Variants in HNRNPLL observed in about 807,000 individuals in gnomAD.
HNRNPLL encodes the protein heterogeneous nuclear ribonucleoprotein L-like.
In HNRNPLL, 25 loss-of-function variants were observed where a neutral mutation model predicts 67.1. That is an observed-to-expected ratio of 0.37 (90% CI 0.27 to 0.52). The LOEUF is 0.52. Ranked by LOEUF, HNRNPLL falls within the 20% of genes least tolerant of loss-of-function variation. The probability of loss-of-function intolerance (pLI) is 0.90; values close to 1 mark genes in which losing one functional copy is unlikely to be tolerated. For missense variants in HNRNPLL, 542 were observed against 673.9 expected, an observed-to-expected ratio of 0.80 and a Z score of 2.17; for synonymous variants, 267 against 241.7, an observed-to-expected ratio of 1.10 and a Z score of -0.97.
chr2:38,590,126 C>A (rs898093236), intron 2 of HNRNPLL, among the ~76,000 whole-genome samples: 9 of 152,164 alleles, frequency 5.9e-5, no homozygotes, highest in Non-Finnish European at 8.8e-5. Context: ...TATGCCCATG[C>A]GGATTCTCAA....
chr2:38,587,593 A>G (rs1367716849), intron 2 of HNRNPLL, among the ~76,000 whole-genome samples: 2 of 152,242 alleles, frequency 1.3e-5, no homozygotes, highest in African/African-American at 2.4e-5. Context: ...AGTCTTGCAC[A>G]TGAAAAATAG....
intron 6 of HNRNPLL, among the ~76,000 whole-genome samples, chr2:38,578,854 G>A (rs1666408997): frequency 6.6e-6 from 1 of 151,936 alleles, no homozygotes; most frequent in South Asian, 2.1e-4. Flanking sequence ...TCTTCTAAAT[G>A]CTCAAGAAGT....
chr2:38,569,420 T>G, intron 9 of HNRNPLL, 86 bp from the exon 10 acceptor site: 1 of 957,538 alleles, frequency 1.0e-6, no homozygotes. Flanking sequence ...ATATTTTGCT[T>G]GCATAAATCT....
chr2:38,573,934 T>C (rs563510429), intron 7 of HNRNPLL, among the ~76,000 whole-genome samples: 25 of 152,080 alleles, frequency 1.6e-4, no homozygotes, highest in South Asian at 1.2e-3. Flanking sequence ...CAGGTTGGTA[T>C]CTTATTCCCC....
chr2:38,585,747 G>A lies in HNRNPLL; in HGVS notation c.443C>T (p.Ser148Phe). 6.2e-7 allele frequency: 1 copy of A among 1,613,752 alleles called. No individual in the cohort carries two copies. The highest frequency in any genetic ancestry group is 8.5e-7 in the Non-Finnish European group (1 of 1,179,674). The part of the protein sequence containing the change: ...IAGQQAFFNY[S>F]TSKRITRPGN... ...TGGCCGAGTGATCCTTTTGCTTGTA[G>A]AATAGTTGAAAAAAGCCTGTTGACC... is the stretch of plus-strand genomic sequence containing the variant. Residue 148 changes from serine (S) to phenylalanine (F), a missense_variant, in exon 3 of 13, where the codon TCT becomes TTT. This residue lies in a region of HNRNPLL where 415 missense variants were observed against 575.2 expected (regional missense o/e 0.72). Transcript: ENST00000449105.
At chr2:38,570,141 G>C (rs1666013720) in intron 8 of HNRNPLL, among the ~76,000 whole-genome samples, 1 of 152,210 alleles carries the variant, frequency 6.6e-6, no homozygotes, top group African/African-American at 2.4e-5. Context: ...GAACAGCACA[G>C]GCTCACCCTA....
In HNRNPLL at chr2:38,585,784, C is replaced by A. The variant is rs994588851; in HGVS notation, c.406G>T (p.Val136Leu). ...AAAGCCTGTTGACCAGCAATGTACA[C>A]GGGTTCATCTGCAGCAAATGTCACA... The part of the protein sequence containing the change: ...ECVTFAADEP[V>L]YIAGQQAFFN... The change falls in exon 3 of 13, where the codon GTG becomes TTG. Residue 136 changes from valine (V) to leucine (L), a missense_variant. Physicochemically the swap from Val to Leu is conservative, Grantham distance 32. This residue lies in a region of HNRNPLL where 415 missense variants were observed against 575.2 expected (regional missense o/e 0.72). Coordinates refer to ENST00000449105, the MANE Select transcript of HNRNPLL (RefSeq NM_138394.4). 1 of 1,613,542 alleles carries A rather than the reference C, an allele frequency of 6.2e-7. No individual in the cohort carries two copies. Among genetic ancestry groups the A allele is most frequent in the Non-Finnish European group, 8.5e-7 (1 of 1,179,530 alleles).
At chr2:38,572,723 G>T (rs1385757236) in intron 8 of HNRNPLL, among the ~76,000 whole-genome samples, 3 of 152,044 alleles carry the variant, frequency 2.0e-5, no homozygotes, top group Non-Finnish European at 4.4e-5. Context: ...TTCAAATACT[G>T]GTTGAGCTAA....
rs539310898 is a variant in HNRNPLL, at chr2:38,562,446, C to T, written c.*1736G>A. On this transcript the variant is annotated 3_prime_UTR_variant, in exon 13 of 13. Transcript: ENST00000449105. ...CTTAAAATCTTAGGCATTAAAAAGT[C>T]TGTAATTCTGACAACCCACATTAAT... 1 of 152,250 alleles carries T rather than the reference C, an allele frequency of 6.6e-6. No individual in the cohort carries two copies. Among genetic ancestry groups the T allele is most frequent in the African/African-American group, 2.4e-5 (1 of 41,568 alleles). 9.4% of individuals were successfully genotyped at this position (152,250 alleles called of 1,614,324 possible). A position where few individuals can be genotyped will look rare whatever the true frequency, so the allele number is the denominator to read the frequency against.
chr2:38,583,762 T>C, intron 4 of HNRNPLL, 79 bp downstream of exon 4: 2 of 620,320 alleles, frequency 3.2e-6, no homozygotes, highest in Non-Finnish European at 5.4e-6. Flanking sequence ...TAAACACCAC[T>C]TGTCTAGAAA....
At chr2:38,580,455 A>G (rs551691018) in intron 6 of HNRNPLL, among the ~76,000 whole-genome samples, 1 of 152,360 alleles carries the variant, frequency 6.6e-6, no homozygotes, top group East Asian at 1.9e-4. Flanking sequence ...GCAAACATGC[A>G]AAAGATCAAT....
At chr2:38,571,179 T>C (rs1400634053) in intron 8 of HNRNPLL, among the ~76,000 whole-genome samples, 2 of 152,188 alleles carry the variant, frequency 1.3e-5, no homozygotes, top group Non-Finnish European at 2.9e-5. Context: ...CTTTTTCCTG[T>C]ACATACATAC....
rs1007765913 is a variant in HNRNPLL, at chr2:38,602,818, C to A, written c.-192G>T. On this transcript the variant is annotated 5_prime_UTR_variant, in exon 1 of 13. Coordinates refer to ENST00000449105, the MANE Select transcript of HNRNPLL (RefSeq NM_138394.4). ...GCGCGGACGGACTGAGGGGGGCGCC[C>A]CGGGAGGAAGCTCTGGAGCGGCCGC... 3.9e-6 allele frequency: 6 copies of A among 1,545,722 alleles called. No individual in the cohort carries two copies. The highest frequency in any genetic ancestry group is 5.2e-6 in the Non-Finnish European group (6 of 1,145,006).
At position 38,563,662 on chromosome 2, in the gene HNRNPLL, T is replaced by C. The variant is rs1486852821; in HGVS notation, c.*520A>G. On this transcript the variant is annotated 3_prime_UTR_variant, in exon 13 of 13. Coordinates refer to ENST00000449105, the MANE Select transcript of HNRNPLL (RefSeq NM_138394.4). ...CATGTCTGTTAGCCTTTCAGAAATA[T>C]AAAATCAGTTAAATCTGTAGTACTT... is the stretch of plus-strand genomic sequence containing the variant. 1 of 152,850 alleles carries C rather than the reference T, an allele frequency of 6.5e-6. No individual in the cohort carries two copies. The highest frequency in any genetic ancestry group is 1.5e-5 in the Non-Finnish European group (1 of 68,544). 9.5% of individuals were successfully genotyped at this position (152,850 alleles called of 1,614,324 possible).
chr2:38,602,882 C>G lies in HNRNPLL; in HGVS notation c.-256G>C. On this transcript the variant is annotated 5_prime_UTR_variant, in exon 1 of 13. Transcript: ENST00000449105. ...CGAGCCAACATTCAGCCTCTCCCTC[C>G]TCCTCCTCCGTCTCCGCTCCCTGCC... is the stretch of plus-strand genomic sequence containing the variant. 1 of 1,548,782 alleles carries G rather than the reference C, an allele frequency of 6.5e-7. No individual in the cohort carries two copies. The highest frequency in any genetic ancestry group is 8.7e-7 in the Non-Finnish European group (1 of 1,145,828).
intron 1 of HNRNPLL, among the ~76,000 whole-genome samples, chr2:38,593,897 G>A (rs555912705): frequency 5.5e-5 from 8 of 146,536 alleles, no homozygotes; most frequent in East Asian, 4.1e-4. Context: ...AATGCTGGCC[G>A]GGCACAGTGG....
rs770144381 is a variant in HNRNPLL, at chr2:38,582,057, G to GA, written c.729+14dup. On this transcript the variant is annotated intron_variant, in intron 5 of 12. Transcript: ENST00000449105. Reference sequence around the variant, plus strand: ...ATAAATATTTCTTGGGTAGGGTGTTGAAAAAAATATTTACCCGTGCATATT... The same window carrying GA: ...ATAAATATTTCTTGGGTAGGGTGTTGAAAAAAAATATTTACCCGTGCATATT... 1.8e-5 allele frequency: 29 copies of GA among 1,606,966 alleles called. No individual in the cohort carries two copies. The highest frequency in any genetic ancestry group is 2.4e-5 in the Non-Finnish European group (28 of 1,173,812).
chr2:38,583,850 G>T lies in HNRNPLL; in HGVS notation c.623C>A (p.Ala208Glu). 6.6e-7 allele frequency: 1 copy of T among 1,505,854 alleles called. No homozygotes were observed. The highest frequency in any genetic ancestry group is 1.2e-5 in the South Asian group (1 of 84,506). 93.3% of individuals were successfully genotyped at this position (1,505,854 alleles called of 1,614,324 possible). The change falls in exon 4 of 13, where the codon GCA becomes GAA. Residue 208 changes from alanine (A) to glutamate (E), a missense_variant. This residue lies in a region of HNRNPLL where 415 missense variants were observed against 575.2 expected (regional missense o/e 0.72). Transcript: ENST00000449105. ...IVIFKRNGIQ[A>E]MVEFESVLCA... ...TACAAATAAAGGATATTCAACCATTGCTTGTATCCCATTTCTCTTGAATAT... is the reference window on the plus strand; with the variant it reads ...TACAAATAAAGGATATTCAACCATTTCTTGTATCCCATTTCTCTTGAATAT...
chr2:38,577,436 C>A, intron 7 of HNRNPLL, 25 bp downstream of exon 7: 1 of 1,427,628 alleles, frequency 7.0e-7, no homozygotes, highest in Non-Finnish European at 9.9e-7. Context: ...ATCTATACTA[C>A]CTTCTTTCTA....
Sources: allele counts gnomAD v4.1 joint callset (sites outside exome capture counted in the v4.1 genomes callset), GRCh38; gene constraint gnomAD v4.1.1; regional missense constraint gnomAD v4.1.1; transcripts MANE v1.5; gene names NCBI Gene and HGNC (gene_info 2026-07-23, HGNC 2026-07-21).